Variants in AFDN observed in about 807,000 individuals in gnomAD.
AFDN encodes afadin, adherens junction formation factor.
AFDN carries 68 observed loss-of-function variants against 216.6 expected under a neutral mutation model. The ratio of observed to expected loss-of-function variants is 0.31; its 90% CI spans 0.26 to 0.38. The LOEUF (loss-of-function observed/expected upper bound fraction) is 0.38, where lower values mean the gene tolerates loss of function less well. Ranked by LOEUF, AFDN falls within the 10% of genes least tolerant of loss-of-function variation. The probability of loss-of-function intolerance (pLI) is 1.00; values close to 1 mark genes in which losing one functional copy is unlikely to be tolerated. For missense variants in AFDN, 2,136 were observed against 2,342.0 expected (o/e 0.91, Z 1.82); for synonymous variants, 868 against 853.7 (o/e 1.02, Z -0.29).
At chr6:167,840,143 C>A (rs1289707203) in intron 1 of AFDN, among the ~76,000 whole-genome samples, 1 of 152,180 alleles carries the variant, frequency 6.6e-6, no homozygotes, top group African/African-American at 2.4e-5. Context: ...GGAAGCTTAA[C>A]TGAGTTCATT....
intron 31 of AFDN, chr6:167,963,354 C>T (rs976141315): frequency 2.8e-6 from 3 of 1,059,832 alleles, no homozygotes; most frequent in Non-Finnish European, 3.4e-6. Context: ...AGAAGCTGCT[C>T]TTCTCTGTTA....
At chr6:167,965,368 A>T (rs143661515) in intron 31 of AFDN, among the ~76,000 whole-genome samples, 3 of 152,340 alleles carry the variant, frequency 2.0e-5, no homozygotes, top group African/African-American at 7.2e-5. Flanking sequence ...TAAACACAGC[A>T]GTAACAGGTA....
intron 29 of AFDN, among the ~76,000 whole-genome samples, chr6:167,949,335 G>C (rs1795699565): frequency 6.6e-6 from 1 of 152,220 alleles, no homozygotes; most frequent in Non-Finnish European, 1.5e-5. Flanking sequence ...ACAGAATTCA[G>C]AGTTGAGATG....
chr6:167,893,926 T>C lies in AFDN; in HGVS notation c.1222+20T>C, dbSNP rs1397480664. The C allele has an allele frequency of 1.3e-6, 2 of 1,544,198 alleles. No individual in the cohort carries two copies. Among genetic ancestry groups the C allele is most frequent in the Non-Finnish European group, 1.8e-6 (2 of 1,131,074 alleles). On this transcript the variant is annotated intron_variant, in intron 9 of 33. Transcript: ENST00000683244. ...ACGAAGGTAATGCTATGCTTACTAC[T>C]ACTTTTATAACTAAAGCACTAATAG... is the stretch of plus-strand genomic sequence containing the variant.
Position 167,830,933 on chromosome 6 carries a change from CT to C in AFDN, c.105+3722del, listed in dbSNP as rs71681602. Among the ~76,000 whole-genome samples the C allele has an allele frequency of 7.6e-3, 605 of 79,272 alleles. 2 individuals are homozygous for C. The highest frequency in any genetic ancestry group is 0.021 in the African/African-American group (412 of 19,938). 52.0% of individuals were successfully genotyped at this position (79,272 alleles called of 152,430 possible). On this transcript the variant is annotated intron_variant, in intron 1 of 33. Coordinates refer to ENST00000683244, the MANE Select transcript of AFDN (RefSeq NM_001386888.1). ...TCATACAACTGAACTATATTTGAAA[CT>C]TTTTTTTTTTTTTTTTTTTTTTTTT...
chr6:167,908,683 A>G lies in AFDN; in HGVS notation c.1769+1394A>G, dbSNP rs1790018623. ...TAGTGTCAAAATAGTAATATGGTTA[A>G]TTGTATGTCAGGAATTATTTTTTAC... is the stretch of plus-strand genomic sequence containing the variant. On this transcript the variant is annotated intron_variant, in intron 13 of 33. Coordinates refer to ENST00000683244, the MANE Select transcript of AFDN (RefSeq NM_001386888.1). 3.9e-5 allele frequency among the ~76,000 whole-genome samples: 6 copies of G among 152,166 alleles called. No individual in the cohort carries two copies. In the South Asian group the frequency reaches 1.2e-3, roughly 32 times the overall value.
At chr6:167,844,110 C>T (rs1315335486) in intron 1 of AFDN, among the ~76,000 whole-genome samples, 1 of 151,938 alleles carries the variant, frequency 6.6e-6, no homozygotes, top group Non-Finnish European at 1.5e-5. Flanking sequence ...GCTATCCAGA[C>T]ATAGCCACTG....
At chr6:167,941,710 T>A (rs1367474375) in intron 23 of AFDN, among the ~76,000 whole-genome samples, 2 of 42,482 alleles carry the variant, frequency 4.7e-5, no homozygotes, top group Non-Finnish European at 8.3e-5. Flanking sequence ...CAGAGGGATG[T>A]AGGGGTGAGG....
chr6:167,945,004 A>T (rs1373658647), intron 26 of AFDN, among the ~76,000 whole-genome samples: 16 of 152,040 alleles, frequency 1.1e-4, no homozygotes, highest in South Asian at 4.1e-4. Context: ...TTTAATAGTA[A>T]ATTAACCTTA....
intron 11 of AFDN, among the ~76,000 whole-genome samples, chr6:167,899,398 A>G (rs186223650): frequency 6.6e-6 from 1 of 152,286 alleles, no homozygotes; most frequent in East Asian, 1.9e-4. Context: ...CTTCCCAAGA[A>G]AATCCATTTC....
intron 1 of AFDN, among the ~76,000 whole-genome samples, chr6:167,862,106 C>G (rs531829413): frequency 1.3e-5 from 2 of 152,248 alleles, no homozygotes; most frequent in African/African-American, 4.8e-5. Flanking sequence ...ATTTATACAG[C>G]TAAATTTGTA....
Position 167,951,602 on chromosome 6 carries a change from G to A in AFDN, c.4248G>A (p.Arg1416=). ...LPSAQVAAAE[R]RKREEHQRWY... ...CTGCGCAGGTGGCTGCTGCTGAACG[G>A]AGAAAGAGAGAAGAACATCAGCGTT... is the stretch of plus-strand genomic sequence containing the variant. Residue 1416 remains arginine, a synonymous_variant, in exon 30 of 34, where the codon CGG becomes CGA. Transcript: ENST00000683244. The surrounding 1 kb of genome is among the most constrained non-coding windows in gnomAD (Gnocchi z 7.1). 6.2e-7 allele frequency: 1 copy of A among 1,614,096 alleles called. No homozygotes were observed. Among genetic ancestry groups the A allele is most frequent in the Non-Finnish European group, 8.5e-7 (1 of 1,180,026 alleles).
chr6:167,841,475 A>G (rs952690994), intron 1 of AFDN, among the ~76,000 whole-genome samples: 3 of 152,192 alleles, frequency 2.0e-5, no homozygotes, highest in African/African-American at 4.8e-5. Context: ...GGGAATGGGC[A>G]TAGAAGTCCA....
chr6:167,942,096 T>A (rs9355145), intron 23 of AFDN, among the ~76,000 whole-genome samples: 1 of 151,964 alleles, frequency 6.6e-6, no homozygotes, highest in Non-Finnish European at 1.5e-5. Flanking sequence ...GTTTGGTTTG[T>A]TTTTTCCCTG....
upstream of AFDN, chr6:167,826,577 C>T (rs1273454371): frequency 3.8e-6 from 2 of 526,420 alleles, no homozygotes; most frequent in South Asian, 1.4e-5. Flanking sequence ...CTGCACCGCG[C>T]GTCCGGACCC....
chr6:167,881,525 G>A (rs1786108682), intron 6 of AFDN, among the ~76,000 whole-genome samples: 1 of 152,202 alleles, frequency 6.6e-6, no homozygotes, highest in African/African-American at 2.4e-5. Flanking sequence ...AAGCAGGCAA[G>A]TGTATCCCAG....
chr6:167,892,237 G>C (rs1787703834), intron 8 of AFDN, among the ~76,000 whole-genome samples: 1 of 152,100 alleles, frequency 6.6e-6, no homozygotes, highest in Non-Finnish European at 1.5e-5. Context: ...TATTGGTGTT[G>C]CTAACCTCAG....
At chr6:167,947,533 A>C (rs1795461523) in intron 27 of AFDN, among the ~76,000 whole-genome samples, 2 of 152,212 alleles carry the variant, frequency 1.3e-5, no homozygotes, top group Non-Finnish European at 2.9e-5. Flanking sequence ...AAATAATAGA[A>C]GGATATGCAG....
Position 167,965,745 on chromosome 6 carries a change from TC to T in AFDN, c.4969-9del. The T allele has an allele frequency of 6.6e-7, 1 of 1,520,080 alleles. No homozygotes were observed. The highest frequency in any genetic ancestry group is 8.8e-7 in the Non-Finnish European group (1 of 1,134,492). 94.2% of individuals were successfully genotyped at this position (1,520,080 alleles called of 1,614,324 possible). A position where few individuals can be genotyped will look rare whatever the true frequency, so the allele number is the denominator to read the frequency against. On this transcript the variant is annotated splice_polypyrimidine_tract_variant and intron_variant, in intron 31 of 33. Coordinates refer to ENST00000683244, the MANE Select transcript of AFDN (RefSeq NM_001386888.1). ...CTCTGACCTTTGCACTCTTGTCTAT[TC>T]CCGCCCGCAGAGGCGACAGGAAGAA...
Sources: allele counts gnomAD v4.1 joint callset (sites outside exome capture counted in the v4.1 genomes callset), GRCh38; gene constraint gnomAD v4.1.1; non-coding constraint Gnocchi (gnomAD v3.1); transcripts MANE v1.5; gene names NCBI Gene and HGNC (gene_info 2026-07-23, HGNC 2026-07-21).